Variants in OOSP3 observed in about 807,000 individuals in gnomAD.
OOSP3 encodes oocyte-secreted protein 3.
At chr11:59,888,201 C>T (rs12293956) in intron 2 of OOSP3, among the ~76,000 whole-genome samples, 2,739 of 152,260 alleles carry the variant, frequency 0.018, 54 homozygotes, top group Middle Eastern at 0.051. Context: ...AAGCTTTTGG[C>T]TGAGTCCATG....
chr11:59,896,055 A>T (rs1000574114), intron 4 of OOSP3, 78 bp from the exon 5 acceptor site: 2 of 397,374 alleles, frequency 5.0e-6, no homozygotes, highest in Admixed American at 8.8e-5. Context: ...TATATTAGTC[A>T]ATGTGTTTAC....
intron 1 of OOSP3, 113 bp from the exon 2 acceptor site, chr11:59,880,148 G>C (rs547822635): frequency 2.5e-6 from 1 of 396,046 alleles, no homozygotes; most frequent in African/African-American, 2.1e-5. Flanking sequence ...TCTCAAGGCT[G>C]TTTTACAGTG....
intron 2 of OOSP3, among the ~76,000 whole-genome samples, chr11:59,884,469 CTGTCTG>C (rs796989420): frequency 3.7e-4 from 40 of 109,054 alleles, no homozygotes; most frequent in Middle Eastern, 4.5e-3. Flanking sequence ...GTCTGTCTGT[CTGTCTG>C]TCTCTCTCTC....
chr11:59,895,789 T>C, intron 4 of OOSP3, 137 bp downstream of exon 4: 1 of 396,684 alleles, frequency 2.5e-6, no homozygotes, highest in Non-Finnish European at 4.4e-6. Flanking sequence ...ATGATGGGTC[T>C]CACATTACAT....
At chr11:59,880,493 A>G (rs1280583334) in intron 2 of OOSP3, 54 bp downstream of exon 2, 7 of 398,068 alleles carry the variant, frequency 1.8e-5, no homozygotes, top group Non-Finnish European at 3.1e-5. Flanking sequence ...TGTACCTTGC[A>G]GTAGTACTGT....
At chr11:59,887,209 T>A (rs895798823) in intron 2 of OOSP3, among the ~76,000 whole-genome samples, 1 of 151,954 alleles carries the variant, frequency 6.6e-6, no homozygotes, top group East Asian at 1.9e-4. Context: ...AAAAATTTTC[T>A]CCCATTCTGT....
intron 2 of OOSP3, among the ~76,000 whole-genome samples, chr11:59,880,941 T>G (rs76753797): frequency 0.011 from 1,693 of 152,308 alleles, 33 homozygotes; most frequent in African/African-American, 0.039. Context: ...CTGAGGAGGT[T>G]TGAGGTGGAG....
intron 1 of OOSP3, among the ~76,000 whole-genome samples, chr11:59,879,493 A>G (rs73490924): frequency 0.015 from 2,343 of 152,252 alleles, 72 homozygotes; most frequent in African/African-American, 0.052. Context: ...TAAAATACAT[A>G]TAATTTTGTT....
intron 2 of OOSP3, among the ~76,000 whole-genome samples, chr11:59,883,021 T>G (rs1026275188): frequency 6.6e-6 from 1 of 152,216 alleles, no homozygotes; most frequent in Admixed American, 6.5e-5. Flanking sequence ...TTTGTGTACA[T>G]GTTTATGTGT....
intron 2 of OOSP3, among the ~76,000 whole-genome samples, chr11:59,884,467 GTCTGTCTGTCTCTC>G (rs1209641254): frequency 1.5e-3 from 188 of 121,946 alleles, no homozygotes; most frequent in African/African-American, 5.9e-3. Context: ...CTGTCTGTCT[GTCTGTCTGTCTCTC>G]TCTCTCTCTC....
intron 2 of OOSP3, among the ~76,000 whole-genome samples, chr11:59,887,134 T>C (rs569924919): frequency 6.6e-6 from 1 of 152,040 alleles, no homozygotes; most frequent in Non-Finnish European, 1.5e-5. Flanking sequence ...GTTTTTTTTT[T>C]TGTAAACTTG....
At chr11:59,880,566 A>G (rs930954731) in intron 2 of OOSP3, 127 bp downstream of exon 2, 15 of 395,722 alleles carry the variant, frequency 3.8e-5, no homozygotes, top group African/African-American at 3.1e-4. Flanking sequence ...TACTTTCAGG[A>G]TAGGAAGACC....
chr11:59,896,419 A>G, exon 5 of OOSP3: 1 of 355,876 alleles, frequency 2.8e-6, no homozygotes, highest in Non-Finnish European at 5.0e-6. Context: ...CTTATAATAC[A>G]ATGTCTATGT....
chr11:59,888,912 A>C (rs546536619), intron 2 of OOSP3, among the ~76,000 whole-genome samples: 7 of 152,256 alleles, frequency 4.6e-5, no homozygotes, highest in African/African-American at 1.4e-4. Flanking sequence ...ATTCAGCTGT[A>C]AATCCAACGG....
At chr11:59,885,893 A>T (rs1354904447) in intron 2 of OOSP3, among the ~76,000 whole-genome samples, 1 of 152,004 alleles carries the variant, frequency 6.6e-6, no homozygotes, top group African/African-American at 2.4e-5. Context: ...TTAATTTTTT[A>T]AAATTTTATT....
At chr11:59,893,577 C>G (rs1339510616) in intron 2 of OOSP3, among the ~76,000 whole-genome samples, 1 of 152,124 alleles carries the variant, frequency 6.6e-6, no homozygotes, top group Non-Finnish European at 1.5e-5. Context: ...GGCTGGTCTC[C>G]TGAGCTCAAG....
chr11:59,894,663 A>G (rs938915438), intron 3 of OOSP3, among the ~76,000 whole-genome samples: 2 of 152,170 alleles, frequency 1.3e-5, no homozygotes, highest in African/African-American at 4.8e-5. Context: ...CTTATTGGGA[A>G]CACTTCTATA....
chr11:59,894,948 A>G (rs1853342624), intron 3 of OOSP3, among the ~76,000 whole-genome samples: 1 of 152,226 alleles, frequency 6.6e-6, no homozygotes, highest in South Asian at 2.1e-4. Flanking sequence ...TCTCTATTCT[A>G]CATAATACCT....
At chr11:59,886,975 A>G (rs769410547) in intron 2 of OOSP3, among the ~76,000 whole-genome samples, 1 of 151,592 alleles carries the variant, frequency 6.6e-6, no homozygotes, top group African/African-American at 2.4e-5. Flanking sequence ...TTGTATTTTT[A>G]GTAGAGACTG....
Sources: gnomAD v4.1 joint callset for allele counts (sites outside exome capture counted in the v4.1 genomes callset) on GRCh38, gnomAD v4.1.1 for gene constraint, MANE v1.5 for transcripts, NCBI Gene and HGNC (gene_info 2026-07-23, HGNC 2026-07-21) for gene names.